KCNQ5: variants seen among roughly 807,000 people sequenced by gnomAD.
KCNQ5 encodes potassium voltage-gated channel subfamily Q member 5.
KCNQ5 carries 30 observed loss-of-function variants against 98.2 expected under a neutral mutation model. The ratio of observed to expected loss-of-function variants is 0.31; its 90% CI spans 0.23 to 0.41. The LOEUF (loss-of-function observed/expected upper bound fraction) is 0.41. KCNQ5 is among the 10% of genes least tolerant of loss of function. The pLI is 1.00. For missense variants in KCNQ5, 835 were observed against 1,182.5 expected (o/e 0.71, Z 4.31); for synonymous variants, 458 against 449.4 (o/e 1.02, Z -0.24).
intron 1 of KCNQ5, among the ~76,000 whole-genome samples, chr6:72,742,912 T>G (rs1252053277): frequency 6.6e-6 from 1 of 152,226 alleles, no homozygotes; most frequent in Non-Finnish European, 1.5e-5. Context: ...CCGCTTATTT[T>G]CATGTTCCTT....
intron 1 of KCNQ5, among the ~76,000 whole-genome samples, chr6:72,682,297 A>G (rs1253115394): frequency 6.6e-6 from 1 of 152,140 alleles, no homozygotes; most frequent in Non-Finnish European, 1.5e-5. Context: ...TTGTATCACA[A>G]CCAGCCAACT....
intron 1 of KCNQ5, among the ~76,000 whole-genome samples, chr6:72,865,638 T>G (rs915974882): frequency 6.6e-6 from 1 of 152,110 alleles, no homozygotes; most frequent in African/African-American, 2.4e-5. Flanking sequence ...TCACGAAAAC[T>G]TGGCCCTAAT....
intron 3 of KCNQ5, among the ~76,000 whole-genome samples, chr6:73,045,881 T>C (rs1771937497): frequency 6.6e-6 from 1 of 152,196 alleles, no homozygotes; most frequent in Admixed American, 6.5e-5. Flanking sequence ...ACCAGCCTGT[T>C]GTTAGTCTTG....
At chr6:73,122,817 G>C (rs574511646) in intron 8 of KCNQ5, among the ~76,000 whole-genome samples, 1 of 152,282 alleles carries the variant, frequency 6.6e-6, no homozygotes, top group South Asian at 2.1e-4. Flanking sequence ...TATTCACAGA[G>C]TCCCTGAAGC....
chr6:72,749,839 A>G lies in KCNQ5; in HGVS notation c.398+127252A>G, dbSNP rs138921271. ...GACCTTTTTCATTTATTTCTTCAGA[A>G]GCATTATCTAATTAAAAACAAACAT... On this transcript the variant is annotated intron_variant, in intron 1 of 13. Coordinates refer to ENST00000370398, the MANE Select transcript of KCNQ5 (RefSeq NM_019842.4). Among the ~76,000 whole-genome samples the G allele has an allele frequency of 4.3e-3, 648 of 152,242 alleles. 7 individuals carry two copies. Among genetic ancestry groups the G allele is most frequent in the African/African-American group, 0.015 (606 of 41,574 alleles).
At chr6:72,685,265 G>C (rs1303542825) in intron 1 of KCNQ5, among the ~76,000 whole-genome samples, 1 of 152,148 alleles carries the variant, frequency 6.6e-6, no homozygotes, top group African/African-American at 2.4e-5. Context: ...AAAGTTTCTG[G>C]CTACTCACTA....
At chr6:72,870,267 T>TTTTTG (rs755429150) in intron 1 of KCNQ5, among the ~76,000 whole-genome samples, 92 of 152,138 alleles carry the variant, frequency 6.0e-4, no homozygotes, top group East Asian at 1.4e-3. Context: ...TCTTTTGGGT[T>TTTTTG]TTTTGTTTTG....
chr6:72,712,367 C>A (rs889350821), intron 1 of KCNQ5, among the ~76,000 whole-genome samples: 43 of 152,200 alleles, frequency 2.8e-4, no homozygotes, highest in Non-Finnish European at 4.7e-4. Context: ...AGAATATACA[C>A]TCTGAAGTGA....
intron 1 of KCNQ5, among the ~76,000 whole-genome samples, chr6:72,734,312 TTTTGTTTGTTTGTTTG>T (rs149734979): frequency 6.6e-6 from 1 of 151,380 alleles, no homozygotes; most frequent in African/African-American, 2.4e-5. Flanking sequence ...AATAACTAGT[TTTTGTTTGTTTGTTTG>T]TTTGTTTGTT....
intron 1 of KCNQ5, among the ~76,000 whole-genome samples, chr6:72,661,772 G>T (rs906740380): frequency 5.9e-5 from 9 of 152,062 alleles, no homozygotes; most frequent in Non-Finnish European, 1.0e-4. Context: ...CCCTATGCTT[G>T]TTCTTCATGG....
At chr6:73,131,106 A>C (rs1776215307) in intron 9 of KCNQ5, among the ~76,000 whole-genome samples, 1 of 152,152 alleles carries the variant, frequency 6.6e-6, no homozygotes, top group South Asian at 2.1e-4. Context: ...ATTTATTCAT[A>C]AGGTAATGTC....
At chr6:73,037,211 A>G (rs1771472265) in intron 2 of KCNQ5, among the ~76,000 whole-genome samples, 1 of 151,876 alleles carries the variant, frequency 6.6e-6, no homozygotes, top group African/African-American at 2.4e-5. Context: ...TTTCTAATTG[A>G]GTTTTTGGTT....
At chr6:73,166,175 G>C (rs532449464) in intron 10 of KCNQ5, among the ~76,000 whole-genome samples, 1 of 152,146 alleles carries the variant, frequency 6.6e-6, no homozygotes, top group South Asian at 2.1e-4. Flanking sequence ...GCTCACGCCT[G>C]TAATCCCAGC....
chr6:72,688,735 C>T (rs1462852901), intron 1 of KCNQ5, among the ~76,000 whole-genome samples: 1 of 152,002 alleles, frequency 6.6e-6, no homozygotes, highest in East Asian at 1.9e-4. Context: ...ATTAAAATTG[C>T]ATCGTATTTA....
At chr6:72,941,300 T>TCTTC (rs138041794) in intron 1 of KCNQ5, among the ~76,000 whole-genome samples, 8 of 147,376 alleles carry the variant, frequency 5.4e-5, no homozygotes, top group East Asian at 4.1e-4. Context: ...GCCCTGCTCA[T>TCTTC]CTTCCTTCCT....
At chr6:73,029,098 A>G (rs1017962433) in intron 2 of KCNQ5, among the ~76,000 whole-genome samples, 3 of 152,202 alleles carry the variant, frequency 2.0e-5, no homozygotes, top group Admixed American at 2.0e-4. Flanking sequence ...ATTAAGACAT[A>G]TTGATGATGT....
At chr6:72,956,721 A>G (rs1352971051) in intron 1 of KCNQ5, among the ~76,000 whole-genome samples, 1 of 151,436 alleles carries the variant, frequency 6.6e-6, no homozygotes, top group African/African-American at 2.4e-5. Flanking sequence ...TTTTTTCTTG[A>G]CATGAAATCT....
At chr6:72,962,149 A>G (rs4708008) in intron 1 of KCNQ5, among the ~76,000 whole-genome samples, 130,117 of 148,380 alleles carry the variant, frequency 0.88, 57,431 homozygotes, top group Non-Finnish European at 0.93. Flanking sequence ...CTGCACTCTA[A>G]CCTGGGTGAC....
intron 1 of KCNQ5, among the ~76,000 whole-genome samples, chr6:72,780,694 C>T (rs1298896445): frequency 6.6e-6 from 1 of 152,114 alleles, no homozygotes; most frequent in Non-Finnish European, 1.5e-5. Context: ...CTACTGAGAA[C>T]TTTATCTGGT....
Sources: gnomAD v4.1 joint callset for allele counts (sites outside exome capture counted in the v4.1 genomes callset) on GRCh38, gnomAD v4.1.1 for gene constraint, MANE v1.5 for transcripts, NCBI Gene and HGNC (gene_info 2026-07-23, HGNC 2026-07-21) for gene names.